The following RORA variants were observed in gnomAD, a reference collection of about 807,000 sequenced individuals.
RORA encodes nuclear receptor ROR-alpha.
RORA carries 7 observed loss-of-function variants against 69.5 expected under a neutral mutation model. That is an observed-to-expected ratio of 0.10 (90% CI 0.06 to 0.19). The LOEUF is 0.19. RORA is among the 10% of genes least tolerant of loss of function. The pLI, the probability that RORA is intolerant of heterozygous loss-of-function variation, is 1.00. For synonymous variants in RORA, 261 were observed against 240.8 expected (o/e 1.08, Z -0.78); for missense variants, 457 against 663.0 (o/e 0.69, Z 3.41).
At chr15:60,714,640 C>T (rs2140814237) in intron 1 of RORA, among the ~76,000 whole-genome samples, 1 of 152,258 alleles carries the variant, frequency 6.6e-6, no homozygotes. Context: ...GCTGGGATTA[C>T]AGTTGTGAGC....
chr15:60,885,061 T>G (rs934370000), intron 1 of RORA, among the ~76,000 whole-genome samples: 1 of 152,244 alleles, frequency 6.6e-6, no homozygotes, highest in East Asian at 1.9e-4. Flanking sequence ...ATGACTGTAG[T>G]AGATTAAAGA....
chr15:60,495,036 A>C lies in RORA; in HGVS notation c.*2419T>G, dbSNP rs925266935. On this transcript the variant is annotated 3_prime_UTR_variant, in exon 11 of 11. Coordinates refer to ENST00000335670, the MANE Select transcript of RORA (RefSeq NM_134261.3). ...GAAAGCTTTGGTTAAAAAGAAGTTAATATACTTTAATAAAACCATCCCCAA... is the reference window on the plus strand; with the variant it reads ...GAAAGCTTTGGTTAAAAAGAAGTTACTATACTTTAATAAAACCATCCCCAA... The C allele has an allele frequency of 6.6e-6, 1 of 152,362 alleles. No individual in the cohort carries two copies. The highest frequency in any genetic ancestry group is 3.4e-3 in the Middle Eastern group (1 of 294). 9.4% of individuals were successfully genotyped at this position (152,362 alleles called of 1,614,324 possible).
At chr15:60,820,080 A>T (rs1368785041) in intron 1 of RORA, among the ~76,000 whole-genome samples, 1 of 152,250 alleles carries the variant, frequency 6.6e-6, no homozygotes, top group Non-Finnish European at 1.5e-5. Context: ...GGGCCACAGA[A>T]GTTTGAAAAG....
intron 1 of RORA, among the ~76,000 whole-genome samples, chr15:61,075,426 C>T (rs572215351): frequency 6.2e-4 from 94 of 152,266 alleles, no homozygotes; most frequent in African/African-American, 2.0e-3. Flanking sequence ...AGTGGGTGTG[C>T]GTCTGTGCAG....
chr15:61,006,202 C>T (rs1355898871), intron 1 of RORA, among the ~76,000 whole-genome samples: 2 of 151,814 alleles, frequency 1.3e-5, no homozygotes, highest in African/African-American at 2.4e-5. Flanking sequence ...CTCTTGACTT[C>T]GTGATCTGCC....
At chr15:60,796,191 T>C (rs977174237) in intron 1 of RORA, among the ~76,000 whole-genome samples, 2 of 152,150 alleles carry the variant, frequency 1.3e-5, no homozygotes, top group Non-Finnish European at 2.9e-5. Flanking sequence ...CCTCTCTGTA[T>C]CACAGTGAGG....
chr15:60,799,656 G>C (rs2072550477), intron 1 of RORA, among the ~76,000 whole-genome samples: 1 of 152,014 alleles, frequency 6.6e-6, no homozygotes, highest in Non-Finnish European at 1.5e-5. Context: ...AAGATACTAA[G>C]TATATCACAT....
intron 1 of RORA, among the ~76,000 whole-genome samples, chr15:60,855,662 A>G (rs1306753217): frequency 6.6e-6 from 1 of 152,136 alleles, no homozygotes; most frequent in East Asian, 1.9e-4. Flanking sequence ...TCTGTCGCCC[A>G]GGCTGGATTT....
intron 1 of RORA, among the ~76,000 whole-genome samples, chr15:61,086,490 T>G (rs2078626978): frequency 6.6e-6 from 1 of 152,158 alleles, no homozygotes; most frequent in African/African-American, 2.4e-5. Flanking sequence ...TTTGCTATAT[T>G]GAGTCACTGC....
chr15:60,836,102 C>G (rs529613632), intron 1 of RORA, among the ~76,000 whole-genome samples: 1 of 152,150 alleles, frequency 6.6e-6, no homozygotes, highest in South Asian at 2.1e-4. Flanking sequence ...TACATGCAAA[C>G]TTGGTTTGTT....
chr15:60,861,376 T>G (rs147145952), intron 1 of RORA, among the ~76,000 whole-genome samples: 264 of 152,276 alleles, frequency 1.7e-3, no homozygotes, highest in African/African-American at 5.7e-3. Flanking sequence ...TCAAAGTGCT[T>G]TTATAAGTAT....
chr15:60,736,288 G>A (rs542453285), intron 1 of RORA, among the ~76,000 whole-genome samples: 3 of 152,240 alleles, frequency 2.0e-5, no homozygotes, highest in East Asian at 1.9e-4. Flanking sequence ...TAAGGTAGAC[G>A]GCAGAGGTGC....
At chr15:60,711,168 G>A (rs879074499) in intron 1 of RORA, among the ~76,000 whole-genome samples, 1 of 152,100 alleles carries the variant, frequency 6.6e-6, no homozygotes. Context: ...TCCTGTCCCT[G>A]CTTTGAGTAA....
intron 2 of RORA, among the ~76,000 whole-genome samples, chr15:60,584,735 GA>G (rs999575680): frequency 3.3e-5 from 5 of 151,540 alleles, no homozygotes; most frequent in African/African-American, 7.3e-5. Context: ...AAAAGAAGGA[GA>G]AAAAAAACCT....
intron 1 of RORA, among the ~76,000 whole-genome samples, chr15:61,199,670 G>A (rs755230375): frequency 2.6e-5 from 4 of 152,124 alleles, no homozygotes; most frequent in Non-Finnish European, 5.9e-5. Context: ...TATATTGCAA[G>A]CAAACTACTG....
At chr15:61,217,283 G>A (rs560225926) in intron 1 of RORA, among the ~76,000 whole-genome samples, 9 of 152,290 alleles carry the variant, frequency 5.9e-5, no homozygotes, top group Middle Eastern at 3.4e-3. Flanking sequence ...ATCAGACAGC[G>A]TAAAAGAGGC....
intron 1 of RORA, among the ~76,000 whole-genome samples, chr15:61,139,139 G>A (rs2079273543): frequency 2.0e-5 from 3 of 149,668 alleles, no homozygotes; most frequent in South Asian, 2.1e-4. Context: ...GCGAGACTCC[G>A]TCTAAAAAAA....
At chr15:60,915,481 T>C (rs73432024) in intron 1 of RORA, among the ~76,000 whole-genome samples, 3,059 of 152,276 alleles carry the variant, frequency 0.02, 95 homozygotes, top group South Asian at 0.084. Flanking sequence ...TAAATTGACA[T>C]GATTTGCCAG....
intron 1 of RORA, among the ~76,000 whole-genome samples, chr15:61,192,149 A>G (rs967333975): frequency 1.1e-4 from 17 of 152,256 alleles, no homozygotes; most frequent in South Asian, 6.2e-4. Flanking sequence ...AGTTTCAGCA[A>G]TTGTGATTTA....
Sources: allele counts gnomAD v4.1 joint callset (sites outside exome capture counted in the v4.1 genomes callset), GRCh38; gene constraint gnomAD v4.1.1; transcripts MANE v1.5; gene names NCBI Gene and HGNC (gene_info 2026-07-23, HGNC 2026-07-21).